MEIS1: variants seen among roughly 807,000 people sequenced by gnomAD.
MEIS1 encodes the protein Meis homeobox 1, also known as homeobox protein Meis1.
A neutral mutation model predicts 50.8 loss-of-function variants in MEIS1; 5 were observed. The observed-to-expected ratio is 0.10, with a 90% CI of 0.05 to 0.21. The LOEUF (loss-of-function observed/expected upper bound fraction) is 0.21. Among genes scored for constraint, MEIS1 ranks in the 10% least tolerant of loss-of-function variants. The pLI is 1.00. For missense variants in MEIS1, 318 were observed against 517.3 expected (o/e 0.61, Z 3.74); for synonymous variants, 176 against 179.3 (o/e 0.98, Z 0.15).
chr2:66,479,724 C>G (rs1672973872), intron 7 of MEIS1, among the ~76,000 whole-genome samples: 1 of 152,120 alleles, frequency 6.6e-6, no homozygotes, highest in African/African-American at 2.4e-5. Context: ...ATGGGACATT[C>G]CAGAAATGCA....
chr2:66,485,534 A>G (rs1002455406), intron 7 of MEIS1, among the ~76,000 whole-genome samples: 7 of 152,224 alleles, frequency 4.6e-5, no homozygotes, highest in African/African-American at 1.7e-4. Context: ...AGTCTTTGCT[A>G]TTGTGAATAG....
chr2:66,450,581 T>A lies in MEIS1; in HGVS notation c.630+7533T>A, dbSNP rs569542128. ...TAACAAATATTAGCAACTGTTATAG[T>A]TGTGCTGCTGCTTTTACGTTTTAAC... On this transcript the variant is annotated intron_variant, in intron 6 of 12. Coordinates refer to ENST00000272369, the MANE Select transcript of MEIS1 (RefSeq NM_002398.3). Among the ~76,000 whole-genome samples the A allele has an allele frequency of 9.2e-5, 14 of 152,332 alleles. 2 individuals carry two copies. In the South Asian group the frequency reaches 2.9e-3, roughly 32 times the overall value.
intron 7 of MEIS1, among the ~76,000 whole-genome samples, chr2:66,507,400 G>C (rs1246249060): frequency 1.3e-5 from 2 of 152,116 alleles, no homozygotes; most frequent in Non-Finnish European, 2.9e-5. Context: ...CTTCCAGCTT[G>C]GCTTCTAGAA....
At chr2:66,463,443 T>G (rs1465070089) in intron 6 of MEIS1, among the ~76,000 whole-genome samples, 1 of 152,206 alleles carries the variant, frequency 6.6e-6, no homozygotes, top group Non-Finnish European at 1.5e-5. Flanking sequence ...TTTTCCTATC[T>G]GAATGTTACT....
intron 8 of MEIS1, among the ~76,000 whole-genome samples, chr2:66,528,918 C>T (rs974984654): frequency 6.6e-6 from 1 of 152,130 alleles, no homozygotes; most frequent in Non-Finnish European, 1.5e-5. Context: ...ACAGGCTCCC[C>T]ATGCATGCCA....
chr2:66,516,331 C>T (rs1673968136), intron 8 of MEIS1, among the ~76,000 whole-genome samples: 1 of 152,128 alleles, frequency 6.6e-6, no homozygotes, highest in Non-Finnish European at 1.5e-5. Flanking sequence ...AGCAAGCATT[C>T]ACGGGTCAAT....
chr2:66,468,585 C>T (rs769922222), intron 7 of MEIS1, among the ~76,000 whole-genome samples: 5 of 152,198 alleles, frequency 3.3e-5, no homozygotes, highest in Admixed American at 1.3e-4. Flanking sequence ...GTGCTCAAGC[C>T]GGGACTTGAA....
intron 6 of MEIS1, among the ~76,000 whole-genome samples, chr2:66,456,452 A>G (rs1672391945): frequency 6.6e-6 from 1 of 152,214 alleles, no homozygotes; most frequent in Non-Finnish European, 1.5e-5. Context: ...CACAATGGCA[A>G]ATATGACAGG....
intron 7 of MEIS1, among the ~76,000 whole-genome samples, chr2:66,481,470 C>T (rs1673014048): frequency 6.6e-6 from 1 of 152,184 alleles, no homozygotes; most frequent in South Asian, 2.1e-4. Flanking sequence ...AAAGCTAATC[C>T]AGGTTCCTAT....
At chr2:66,543,893 G>C (rs565034008) in intron 8 of MEIS1, among the ~76,000 whole-genome samples, 7 of 152,312 alleles carry the variant, frequency 4.6e-5, no homozygotes, top group Non-Finnish European at 1.0e-4. Flanking sequence ...TGGGACTGTG[G>C]TCAAATTTGC....
intron 9 of MEIS1, among the ~76,000 whole-genome samples, chr2:66,562,518 C>T (rs1675244202): frequency 6.6e-6 from 1 of 151,944 alleles, no homozygotes; most frequent in Non-Finnish European, 1.5e-5. Context: ...TTGTCAGATT[C>T]CTATAAAAAA....
chr2:66,461,875 G>C (rs1309358801), intron 6 of MEIS1: 7 of 470,768 alleles, frequency 1.5e-5, no homozygotes, highest in Non-Finnish European at 2.6e-5. Flanking sequence ...AAGAAAAATG[G>C]TGATGAAAAA....
chr2:66,478,640 C>T (rs943007612), intron 7 of MEIS1, among the ~76,000 whole-genome samples: 3 of 152,206 alleles, frequency 2.0e-5, no homozygotes, highest in South Asian at 2.1e-4. Flanking sequence ...CAAATTCTAG[C>T]ACTTTTCAAG....
chr2:66,461,121 A>G (rs1672508626), intron 6 of MEIS1, among the ~76,000 whole-genome samples: 1 of 152,134 alleles, frequency 6.6e-6, no homozygotes, highest in Non-Finnish European at 1.5e-5. Context: ...TGCATTCTTG[A>G]TTTTATTCTG....
chr2:66,495,078 ACCTTTTTTTT>A (rs1373312645), intron 7 of MEIS1, among the ~76,000 whole-genome samples: 3 of 85,014 alleles, frequency 3.5e-5, no homozygotes, highest in Non-Finnish European at 7.4e-5. Flanking sequence ...CCCTCTTCTG[ACCTTTTTTTT>A]TTTTTTTTTT....
At chr2:66,493,548 T>A (rs1416654404) in intron 7 of MEIS1, among the ~76,000 whole-genome samples, 1 of 152,212 alleles carries the variant, frequency 6.6e-6, no homozygotes, top group African/African-American at 2.4e-5. Flanking sequence ...ATCTTGGTTT[T>A]CTTCCATCAT....
intron 7 of MEIS1, among the ~76,000 whole-genome samples, chr2:66,497,467 A>G (rs747697578): frequency 7.9e-5 from 12 of 152,128 alleles, no homozygotes; most frequent in Non-Finnish European, 1.3e-4. Context: ...TATTATTCTT[A>G]TTGTCTAGAG....
intron 8 of MEIS1, among the ~76,000 whole-genome samples, chr2:66,533,604 T>G (rs1674446181): frequency 6.6e-6 from 1 of 152,352 alleles, no homozygotes; most frequent in East Asian, 1.9e-4. Flanking sequence ...AGAGAAGTTG[T>G]AGCTAAGCAT....
intron 7 of MEIS1, among the ~76,000 whole-genome samples, chr2:66,498,896 T>G (rs1673478721): frequency 6.6e-6 from 1 of 152,198 alleles, no homozygotes; most frequent in Non-Finnish European, 1.5e-5. Context: ...AAAGCTGCAT[T>G]TTAACAAGAT....
Sources: gnomAD v4.1 joint callset for allele counts (sites outside exome capture counted in the v4.1 genomes callset) on GRCh38, gnomAD v4.1.1 for gene constraint, MANE v1.5 for transcripts, NCBI Gene and HGNC (gene_info 2026-07-23, HGNC 2026-07-21) for gene names.